The following LYPD6B variants were observed in gnomAD, a reference collection of about 807,000 sequenced individuals.
LYPD6B encodes ly6/PLAUR domain-containing protein 6B.
In LYPD6B, 17 loss-of-function variants were observed where a neutral mutation model predicts 22.8. The observed-to-expected ratio is 0.75, with a 90% CI of 0.51 to 1.12. The LOEUF (loss-of-function observed/expected upper bound fraction) is 1.12. LYPD6B is among the 50% of genes most tolerant of loss of function. The pLI is 0.00. For synonymous variants in LYPD6B, 106 were observed against 91.6 expected, an observed-to-expected ratio of 1.16 and a Z score of -0.90; for missense variants, 221 against 258.3, an observed-to-expected ratio of 0.86 and a Z score of 0.99.
chr2:149,052,151 G>C (rs1683589814), intron 1 of LYPD6B, among the ~76,000 whole-genome samples: 1 of 151,968 alleles, frequency 6.6e-6, no homozygotes, highest in South Asian at 2.1e-4. Flanking sequence ...CCGCCTCCTG[G>C]GTTCAAGTGA....
At chr2:149,060,135 A>G (rs751956199) in intron 1 of LYPD6B, among the ~76,000 whole-genome samples, 1 of 152,170 alleles carries the variant, frequency 6.6e-6, no homozygotes, top group Non-Finnish European at 1.5e-5. Context: ...GATGTTATCC[A>G]GAGGGCATGG....
chr2:149,197,814 A>G (rs964694592), intron 3 of LYPD6B, among the ~76,000 whole-genome samples: 3 of 152,178 alleles, frequency 2.0e-5, no homozygotes, highest in Non-Finnish European at 4.4e-5. Context: ...CAGTATTTTA[A>G]GAGCTTTAAT....
At chr2:149,209,899 G>T (rs977026093) in intron 5 of LYPD6B, among the ~76,000 whole-genome samples, 16 of 150,972 alleles carry the variant, frequency 1.1e-4, no homozygotes, top group African/African-American at 3.9e-4. Context: ...TGTATTTGGG[G>T]ATTTATTTCT....
intron 1 of LYPD6B, among the ~76,000 whole-genome samples, chr2:149,098,542 G>T (rs1039514093): frequency 6.6e-6 from 1 of 150,472 alleles, no homozygotes; most frequent in Non-Finnish European, 1.5e-5. Flanking sequence ...CAGGAGAATC[G>T]CTTGAACCTG....
chr2:149,111,510 A>G (rs1686758371), intron 1 of LYPD6B, among the ~76,000 whole-genome samples: 1 of 152,124 alleles, frequency 6.6e-6, no homozygotes, highest in African/African-American at 2.4e-5. Context: ...AGTGATTTCA[A>G]GGTTTTATTA....
chr2:149,115,829 A>G (rs933902122), intron 1 of LYPD6B, among the ~76,000 whole-genome samples: 1 of 152,242 alleles, frequency 6.6e-6, no homozygotes, highest in Admixed American at 6.5e-5. Flanking sequence ...TGAAAATATT[A>G]AATGGAAAAT....
chr2:149,089,112 G>T (rs998161880), intron 1 of LYPD6B, among the ~76,000 whole-genome samples: 2 of 152,180 alleles, frequency 1.3e-5, no homozygotes, highest in African/African-American at 4.8e-5. Context: ...TACTATAGAT[G>T]AATTTGTGTG....
intron 1 of LYPD6B, among the ~76,000 whole-genome samples, chr2:149,070,358 G>T (rs1166119342): frequency 6.6e-6 from 1 of 152,244 alleles, no homozygotes; most frequent in African/African-American, 2.4e-5. Flanking sequence ...TATTCCTTCT[G>T]CTGGGGCTTT....
chr2:149,123,187 C>T (rs1687484285), intron 1 of LYPD6B, among the ~76,000 whole-genome samples: 1 of 152,146 alleles, frequency 6.6e-6, no homozygotes, highest in African/African-American at 2.4e-5. Flanking sequence ...TGATCAGTAC[C>T]ATACAGCTCC....
intron 2 of LYPD6B, among the ~76,000 whole-genome samples, chr2:149,149,565 C>T (rs1281818312): frequency 6.6e-6 from 1 of 152,186 alleles, no homozygotes; most frequent in Non-Finnish European, 1.5e-5. Context: ...AAGGAAGTAC[C>T]TGCCTTTGAG....
chr2:149,057,621 G>A (rs1683865317), intron 1 of LYPD6B, among the ~76,000 whole-genome samples: 1 of 152,110 alleles, frequency 6.6e-6, no homozygotes, highest in African/African-American at 2.4e-5. Context: ...CTCTCTAAAA[G>A]GAAATTAAAA....
chr2:149,195,376 A>G (rs1692744096), intron 3 of LYPD6B, among the ~76,000 whole-genome samples: 1 of 152,230 alleles, frequency 6.6e-6, no homozygotes. Flanking sequence ...GAAGTATGAC[A>G]CACACTTGAG....
In LYPD6B at chr2:149,189,745, A is replaced by G. The variant is rs374071875; in HGVS notation, c.78-15508A>G. ...ATCAGCTTTTATTTAGACAACTGTG[A>G]ATGTGCTCTTAGCAGGATCTCAGGG... On this transcript the variant is annotated intron_variant, in intron 3 of 6. Coordinates refer to ENST00000409642, the MANE Select transcript of LYPD6B (RefSeq NM_177964.5). Among the ~76,000 whole-genome samples the G allele has an allele frequency of 4.6e-5, 7 of 152,244 alleles. No individual in the cohort carries two copies. In the South Asian group the frequency reaches 6.2e-4, roughly 14 times the overall value.
rs113522068 is a variant in LYPD6B, at chr2:149,155,255, T to C, written c.6-5509T>C. On this transcript the variant is annotated intron_variant, in intron 2 of 6. Transcript: ENST00000409642. ...GAATCAGCAGCAGGCAGAAGCACAA[T>C]CACCCTCTGGTTATGGGAACTGAAA... Among the ~76,000 whole-genome samples, 361 of 152,300 alleles carry C rather than the reference T, an allele frequency of 2.4e-3. 1 individual carries two copies. The highest frequency in any genetic ancestry group is 8.3e-3 in the African/African-American group (347 of 41,578).
intron 2 of LYPD6B, among the ~76,000 whole-genome samples, chr2:149,140,394 C>CT (rs1369246589): frequency 1.3e-5 from 2 of 152,196 alleles, no homozygotes; most frequent in Admixed American, 1.3e-4. Context: ...AGGAGGCTTC[C>CT]TTCTGTCCCC....
chr2:149,155,901 G>C (rs1443543300), intron 2 of LYPD6B, among the ~76,000 whole-genome samples: 1 of 152,182 alleles, frequency 6.6e-6, no homozygotes, highest in Non-Finnish European at 1.5e-5. Context: ...AGGAAAAAGC[G>C]ATTATTTATG....
At chr2:149,110,074 T>A (rs561680428) in intron 1 of LYPD6B, among the ~76,000 whole-genome samples, 1 of 152,212 alleles carries the variant, frequency 6.6e-6, no homozygotes, top group Admixed American at 6.5e-5. Flanking sequence ...TTTCTATGAC[T>A]ATATTGTGAA....
intron 2 of LYPD6B, among the ~76,000 whole-genome samples, chr2:149,143,568 A>G (rs2105783589): frequency 6.6e-6 from 1 of 151,988 alleles, no homozygotes; most frequent in Non-Finnish European, 1.5e-5. Flanking sequence ...ATGACAAGGG[A>G]AATTAGCTAT....
intron 1 of LYPD6B, among the ~76,000 whole-genome samples, chr2:149,104,405 C>T (rs1257824582): frequency 2.6e-5 from 4 of 152,136 alleles, no homozygotes; most frequent in Non-Finnish European, 4.4e-5. Flanking sequence ...AGTATGTTAG[C>T]TATTTTATCT....
Sources: gnomAD v4.1 joint callset for allele counts (sites outside exome capture counted in the v4.1 genomes callset) on GRCh38, gnomAD v4.1.1 for gene constraint, MANE v1.5 for transcripts, NCBI Gene and HGNC (gene_info 2026-07-23, HGNC 2026-07-21) for gene names.